DIAPH3: variants seen among roughly 807,000 people sequenced by gnomAD.
The protein encoded by DIAPH3 is diaphanous related formin 3, also known as protein diaphanous homolog 3.
Under a neutral mutation model 144.3 loss-of-function variants are expected in DIAPH3, and 117 were observed. The observed-to-expected ratio is 0.81, with a 90% CI of 0.70 to 0.95. The LOEUF (loss-of-function observed/expected upper bound fraction) is 0.95, where lower values mean the gene tolerates loss of function less well. Ranked by LOEUF, DIAPH3 falls within the 40% of genes least tolerant of loss-of-function variation. The pLI is 0.00. For synonymous variants in DIAPH3, 519 were observed against 488.9 expected, an observed-to-expected ratio of 1.06 and a Z score of -0.81; for missense variants, 1,421 against 1,412.7, an observed-to-expected ratio of 1.01 and a Z score of -0.09.
At chr13:59,862,499 G>T (rs1358154599) in intron 21 of DIAPH3, among the ~76,000 whole-genome samples, 2 of 152,088 alleles carry the variant, frequency 1.3e-5, no homozygotes, top group Non-Finnish European at 2.9e-5. Context: ...TGGAGGTTGT[G>T]CCTGGGAAAT....
intron 24 of DIAPH3, among the ~76,000 whole-genome samples, chr13:59,828,999 T>A (rs573564586): frequency 6.6e-6 from 1 of 152,108 alleles, no homozygotes; most frequent in Admixed American, 6.6e-5. Context: ...CCCCTTGTTC[T>A]ACATGGCTTG....
chr13:60,104,566 G>GCACATA (rs1555375783), intron 3 of DIAPH3, among the ~76,000 whole-genome samples: 1 of 147,026 alleles, frequency 6.8e-6, no homozygotes, highest in Non-Finnish European at 1.5e-5. Flanking sequence ...CAGTATCAAG[G>GCACATA]CACACACACA....
chr13:59,799,375 GCACACA>G (rs56979042), intron 25 of DIAPH3, among the ~76,000 whole-genome samples: 3,348 of 139,292 alleles, frequency 0.024, 50 homozygotes, highest in African/African-American at 0.048. Context: ...CTGGAAATAT[GCACACA>G]CACACACACA....
chr13:59,897,118 G>A (rs934386033), intron 20 of DIAPH3, among the ~76,000 whole-genome samples: 21 of 152,224 alleles, frequency 1.4e-4, no homozygotes, highest in Admixed American at 1.4e-3. Flanking sequence ...AAAGAAGAGA[G>A]TAGAGGAGAG....
rs537909745 is a variant in DIAPH3, at chr13:59,847,317, T to C, written c.2738-7869A>G. On this transcript the variant is annotated intron_variant, in intron 22 of 27. Coordinates refer to ENST00000400324, the MANE Select transcript of DIAPH3 (RefSeq NM_001042517.2). ...TAATACTGCAAGAGAAATGCCTTCATCTGCTATGGAACATGGAAAGAAGAA... is the reference window on the plus strand; with the variant it reads ...TAATACTGCAAGAGAAATGCCTTCACCTGCTATGGAACATGGAAAGAAGAA... 4.6e-5 allele frequency among the ~76,000 whole-genome samples: 7 copies of C among 152,264 alleles called. No homozygotes were observed. In the East Asian group the frequency reaches 1.4e-3, roughly 29 times the overall value.
intron 25 of DIAPH3, among the ~76,000 whole-genome samples, chr13:59,780,900 A>G (rs1182392218): frequency 6.6e-6 from 1 of 152,222 alleles, no homozygotes; most frequent in Non-Finnish European, 1.5e-5. Flanking sequence ...CCTCAAATTC[A>G]GACAAAAATG....
In DIAPH3 at chr13:60,049,355, G is replaced by A. The variant is rs369017964; in HGVS notation, c.496-6535C>T. Among the ~76,000 whole-genome samples the A allele has an allele frequency of 2.0e-5, 3 of 152,208 alleles. No individual in the cohort carries two copies. The South Asian group carries it at 6.2e-4, about 32-fold the overall frequency. The stretch of plus-strand genomic sequence containing the variant: ...GATTTAACCAATAAACACTGGGAAA[G>A]ACAGACTAAATCCACTAGCTAACGA... On this transcript the variant is annotated intron_variant, in intron 4 of 27. Transcript: ENST00000400324.
At chr13:59,840,661 T>G (rs1162205931) in intron 22 of DIAPH3, among the ~76,000 whole-genome samples, 2 of 152,134 alleles carry the variant, frequency 1.3e-5, no homozygotes, top group African/African-American at 4.8e-5. Context: ...AGCAATCTAA[T>G]TCTCAGATGC....
chr13:59,831,685 T>C (rs1406078110), intron 24 of DIAPH3, among the ~76,000 whole-genome samples: 4 of 151,634 alleles, frequency 2.6e-5, no homozygotes, highest in Admixed American at 6.6e-5. Context: ...CATATCTATA[T>C]AGGTTGGCCC....
chr13:59,896,699 G>A lies in DIAPH3; in HGVS notation c.2367+15036C>T, dbSNP rs559017533. ...AATTTCAGGGGATTCCGAGAAATCC[G>A]GGATACCTAGTCAGAGAGTTAGAGG... On this transcript the variant is annotated intron_variant, in intron 20 of 27. Coordinates refer to ENST00000400324, the MANE Select transcript of DIAPH3 (RefSeq NM_001042517.2). Among the ~76,000 whole-genome samples, 13 of 152,200 alleles carry A rather than the reference G, an allele frequency of 8.5e-5. No individual in the cohort carries two copies. The South Asian group carries it at 1.7e-3, about 19-fold the overall frequency.
At chr13:59,983,291 T>C (rs1425315713) in intron 13 of DIAPH3, among the ~76,000 whole-genome samples, 2 of 151,046 alleles carry the variant, frequency 1.3e-5, no homozygotes, top group African/African-American at 4.9e-5. Context: ...TGAACTCTTT[T>C]AATAGATCTT....
intron 27 of DIAPH3, among the ~76,000 whole-genome samples, chr13:59,755,694 T>C (rs777881710): frequency 3.5e-4 from 53 of 151,476 alleles, no homozygotes; most frequent in African/African-American, 2.4e-4. Flanking sequence ...ACAAAGAGAG[T>C]TTCAAAAAAA....
chr13:59,989,996 T>C (rs2051703158), intron 12 of DIAPH3, among the ~76,000 whole-genome samples: 1 of 151,896 alleles, frequency 6.6e-6, no homozygotes, highest in African/African-American at 2.4e-5. Context: ...TTTAAGTAAA[T>C]TTGGAGTAGA....
At chr13:60,117,369 T>C (rs1207277925) in intron 2 of DIAPH3, among the ~76,000 whole-genome samples, 1 of 151,972 alleles carries the variant, frequency 6.6e-6, no homozygotes, top group Non-Finnish European at 1.5e-5. Context: ...ATTTTCAATA[T>C]AATGCTTTTA....
intron 27 of DIAPH3, among the ~76,000 whole-genome samples, chr13:59,770,690 G>A (rs2038076313): frequency 6.6e-6 from 1 of 152,122 alleles, no homozygotes; most frequent in Non-Finnish European, 1.5e-5. Flanking sequence ...CTGGAAGCCA[G>A]CTCTAAACTG....
In DIAPH3 at chr13:60,093,702, C is replaced by A. The variant is rs1363905934; in HGVS notation, c.421G>T (p.Ala141Ser). The change falls in exon 4 of 28, where the codon GCA becomes TCA. Residue 141 changes from alanine to serine, a missense_variant. Physicochemically the swap from Ala to Ser is moderately conservative, Grantham distance 99. Coordinates refer to ENST00000400324, the MANE Select transcript of DIAPH3 (RefSeq NM_001042517.2). Reference sequence around the variant, plus strand: ...CTGAAGTCCTTTTCCCGCAATGGTGCCTTTTTATCTTCATTTAAATTCATA... The same window carrying A: ...CTGAAGTCCTTTTCCCGCAATGGTGACTTTTTATCTTCATTTAAATTCATA... ...EDMNLNEDKK[A>S]PLREKDFSIK... is the part of the protein sequence containing the mutation. 6.2e-7 allele frequency: 1 copy of A among 1,612,504 alleles called. No individual in the cohort carries two copies. The highest frequency in any genetic ancestry group is 2.2e-5 in the East Asian group (1 of 44,770).
intron 3 of DIAPH3, among the ~76,000 whole-genome samples, chr13:60,110,512 C>T (rs2058538296): frequency 6.6e-6 from 1 of 152,172 alleles, no homozygotes; most frequent in African/African-American, 2.4e-5. Context: ...AAGAAGGCAA[C>T]AACACCCTTC....
intron 27 of DIAPH3, among the ~76,000 whole-genome samples, chr13:59,749,756 T>C (rs922036170): frequency 6.6e-6 from 1 of 152,040 alleles, no homozygotes; most frequent in African/African-American, 2.4e-5. Flanking sequence ...TTAGAAAATT[T>C]CAAAAAATAA....
chr13:60,008,392 T>G (rs2053029557), intron 9 of DIAPH3, 152 bp downstream of exon 9: 3 of 598,802 alleles, frequency 5.0e-6, no homozygotes, highest in Admixed American at 3.2e-5. Context: ...CAAGACTCCG[T>G]CTCAAATAAA....
Sources: allele counts gnomAD v4.1 joint callset (sites outside exome capture counted in the v4.1 genomes callset), GRCh38; gene constraint gnomAD v4.1.1; transcripts MANE v1.5; gene names NCBI Gene and HGNC (gene_info 2026-07-23, HGNC 2026-07-21).